GDAP1: variants seen among roughly 807,000 people sequenced by gnomAD.
The protein encoded by GDAP1 is ganglioside induced differentiation associated protein 1.
A neutral mutation model predicts 40.1 loss-of-function variants in GDAP1; 34 were observed. The observed-to-expected ratio is 0.85, with a 90% CI of 0.64 to 1.13. The LOEUF (loss-of-function observed/expected upper bound fraction) is 1.13, where lower values mean the gene tolerates loss of function less well. Among genes scored for constraint, GDAP1 ranks in the 50% most tolerant of loss-of-function variants. GDAP1 has a pLI of 0.00. For synonymous variants in GDAP1, 170 were observed against 157.4 expected, an observed-to-expected ratio of 1.08 and a Z score of -0.60; for missense variants, 374 against 433.7, an observed-to-expected ratio of 0.86 and a Z score of 1.22.
chr8:74,426,945 A>G (rs577339085), intron 2 of GDAP1, among the ~76,000 whole-genome samples: 27 of 152,302 alleles, frequency 1.8e-4, no homozygotes, highest in African/African-American at 6.5e-4. Context: ...GCTTAGACCT[A>G]TGTGGTAGAT....
intron 2 of GDAP1, among the ~76,000 whole-genome samples, chr8:74,398,525 T>C (rs1328313152): frequency 1.3e-5 from 2 of 152,174 alleles, no homozygotes; most frequent in Non-Finnish European, 2.9e-5. Flanking sequence ...CTTTTCCTAA[T>C]TGAATACCCT....
At chr8:74,416,945 A>T (rs1420274408) in intron 2 of GDAP1, among the ~76,000 whole-genome samples, 3 of 135,496 alleles carry the variant, frequency 2.2e-5, no homozygotes, top group Admixed American at 2.2e-4. Flanking sequence ...TTTTTTTTTA[A>T]CAGAGGCATA....
Position 74,364,956 on chromosome 8 carries a change from A to G in GDAP1, c.*589A>G. 2.2e-6 allele frequency: 1 copy of G among 454,122 alleles called. No homozygotes were observed. The highest frequency in any genetic ancestry group is 4.4e-6 in the Non-Finnish European group (1 of 226,790). The allele number at this position is 454,122 out of a possible 1,614,324, so 28.1% of individuals were successfully genotyped here. A position where few individuals can be genotyped will look rare whatever the true frequency, so the allele number is the denominator to read the frequency against. ...TTCTGTAAAAGTCTTAAGTGATATT[A>G]AGATGATTCCTTACCATTTCAGATG... is the stretch of plus-strand genomic sequence containing the variant. On this transcript the variant is annotated 3_prime_UTR_variant, in exon 6 of 6. Transcript: ENST00000220822.
At chr8:74,455,825 A>T (rs1806329324) in intron 2 of GDAP1, among the ~76,000 whole-genome samples, 1 of 151,926 alleles carries the variant, frequency 6.6e-6, no homozygotes, top group Non-Finnish European at 1.5e-5. Context: ...CTAAATAATC[A>T]CCATAATATA....
In GDAP1 at chr8:74,366,362, G is replaced by A; in HGVS notation, c.*1995G>A. On this transcript the variant is annotated 3_prime_UTR_variant, in exon 6 of 6. Coordinates refer to ENST00000220822, the MANE Select transcript of GDAP1 (RefSeq NM_018972.4). ...ACTCTTCTAAAATGTTTCAAGCAAAGATAGTAATGACCTCAGTTTCTGAAA... is the reference window on the plus strand; with the variant it reads ...ACTCTTCTAAAATGTTTCAAGCAAAAATAGTAATGACCTCAGTTTCTGAAA... The A allele has an allele frequency of 2.2e-6, 1 of 454,436 alleles. No individual in the cohort carries two copies. The allele number at this position is 454,436 out of a possible 1,614,324, so 28.2% of individuals were successfully genotyped here.
At chr8:74,397,413 A>G (rs934945879) in intron 2 of GDAP1, among the ~76,000 whole-genome samples, 1 of 152,036 alleles carries the variant, frequency 6.6e-6, no homozygotes, top group Non-Finnish European at 1.5e-5. Context: ...TTGGTGTTTT[A>G]GTCGTGAAGT....
intron 2 of GDAP1, among the ~76,000 whole-genome samples, chr8:74,421,538 A>G (rs1035770544): frequency 1.3e-5 from 2 of 152,140 alleles, no homozygotes; most frequent in African/African-American, 4.8e-5. Context: ...TGAAGAGCTA[A>G]GATTCTTGCC....
intron 2 of GDAP1, among the ~76,000 whole-genome samples, chr8:74,425,180 T>C (rs1805931828): frequency 6.6e-6 from 1 of 152,212 alleles, no homozygotes; most frequent in African/African-American, 2.4e-5. Flanking sequence ...TGAAAACAAA[T>C]TGAACAACAC....
At chr8:74,449,154 T>C (rs1314611994) in intron 2 of GDAP1, among the ~76,000 whole-genome samples, 2 of 151,958 alleles carry the variant, frequency 1.3e-5, no homozygotes, top group Non-Finnish European at 2.9e-5. Flanking sequence ...ATCTATTGAC[T>C]ATATATGTTT....
At chr8:74,375,635 A>C (rs1809840807) in intron 2 of GDAP1, among the ~76,000 whole-genome samples, 2 of 152,198 alleles carry the variant, frequency 1.3e-5, no homozygotes. Context: ...AAACTTCCTC[A>C]CCCTGATGAA....
chr8:74,379,003 G>A (rs1422331443), intron 2 of GDAP1, among the ~76,000 whole-genome samples: 1 of 152,118 alleles, frequency 6.6e-6, no homozygotes, highest in African/African-American at 2.4e-5. Context: ...TGAAGTGGTG[G>A]TGTGAGCCCT....
intron 2 of GDAP1, among the ~76,000 whole-genome samples, chr8:74,372,695 A>T (rs1195894254): frequency 6.6e-6 from 1 of 151,904 alleles, no homozygotes; most frequent in East Asian, 1.9e-4. Context: ...GATTGCAAAA[A>T]TTTTCTCCCT....
At chr8:74,399,956 A>T (rs1397035043) in intron 2 of GDAP1, among the ~76,000 whole-genome samples, 1 of 141,080 alleles carries the variant, frequency 7.1e-6, no homozygotes. Context: ...TGCTGAGGAG[A>T]GCTTTACTTC....
Position 74,487,644 on chromosome 8 carries a change from C to G in GDAP1, c.166-1034C>G, listed in dbSNP as rs114468312. Among the ~76,000 whole-genome samples, 497 of 152,250 alleles carry G rather than the reference C, an allele frequency of 3.3e-3. 2 individuals carry two copies. The highest frequency in any genetic ancestry group is 0.012 in the African/African-American group (480 of 41,548). On this transcript the variant is annotated intron_variant, in intron 2 of 2. Coordinates refer to the GDAP1 transcript ENST00000523640. ...TGTTCCATTGGTCCTTTTTACTTCT[C>G]TGGCAGGACTGGAAAGTAATGTAGA...
At chr8:74,423,969 T>C (rs917863534) in intron 2 of GDAP1, among the ~76,000 whole-genome samples, 2 of 152,174 alleles carry the variant, frequency 1.3e-5, no homozygotes, top group Non-Finnish European at 2.9e-5. Flanking sequence ...GCTGCAACCC[T>C]GGAATGTTTT....
chr8:74,444,050 T>C (rs1806198477), intron 2 of GDAP1, among the ~76,000 whole-genome samples: 1 of 151,886 alleles, frequency 6.6e-6, no homozygotes, highest in Admixed American at 6.6e-5. Context: ...TATAGTATTG[T>C]ATTTTATATA....
At chr8:74,439,578 T>G (rs2131570788) in intron 2 of GDAP1, among the ~76,000 whole-genome samples, 1 of 152,132 alleles carries the variant, frequency 6.6e-6, no homozygotes, top group Non-Finnish European at 1.5e-5. Flanking sequence ...TTGTCTTGGG[T>G]TCCTGGGCCA....
chr8:74,420,335 T>C (rs1192232433), intron 2 of GDAP1, among the ~76,000 whole-genome samples: 1 of 152,184 alleles, frequency 6.6e-6, no homozygotes, highest in Non-Finnish European at 1.5e-5. Context: ...TTGTAATTTA[T>C]AGACCCAGGT....
intron 2 of GDAP1, among the ~76,000 whole-genome samples, chr8:74,443,134 A>G (rs550797353): frequency 6.6e-6 from 1 of 152,338 alleles, no homozygotes; most frequent in East Asian, 1.9e-4. Flanking sequence ...GAAACATGGT[A>G]GTGTGGTAAG....
Sources: gnomAD v4.1 joint callset for allele counts (sites outside exome capture counted in the v4.1 genomes callset) on GRCh38, gnomAD v4.1.1 for gene constraint, MANE v1.5 for transcripts, NCBI Gene and HGNC (gene_info 2026-07-23, HGNC 2026-07-21) for gene names.